Variants in CA10 observed in about 807,000 individuals in gnomAD.
The protein encoded by CA10 is carbonic anhydrase 10 (inactive).
Under a neutral mutation model 44.2 loss-of-function variants are expected in CA10, and 14 were observed. That is an observed-to-expected ratio of 0.32 (90% confidence interval 0.21 to 0.50). CA10 has a LOEUF of 0.50. CA10 is among the 20% of genes least tolerant of loss of function. The pLI, the probability that CA10 is intolerant of heterozygous loss-of-function variation, is 0.99. For missense variants in CA10, 350 were observed against 409.7 expected, an observed-to-expected ratio of 0.85 and a Z score of 1.26; for synonymous variants, 159 against 141.6, an observed-to-expected ratio of 1.12 and a Z score of -0.87.
chr17:52,144,212 T>TA (rs1287275913), intron 1 of CA10, among the ~76,000 whole-genome samples: 1 of 152,164 alleles, frequency 6.6e-6, no homozygotes, highest in Non-Finnish European at 1.5e-5. Flanking sequence ...CAAATTTCAG[T>TA]AAAAATGAGT....
At chr17:51,863,751 C>T in intron 3 of CA10, among the ~76,000 whole-genome samples, 1 of 152,234 alleles carries the variant, frequency 6.6e-6, no homozygotes, top group East Asian at 1.9e-4. Context: ...CAGGGACCAA[C>T]CAAAGTAAGA....
intron 3 of CA10, among the ~76,000 whole-genome samples, chr17:51,866,523 T>C (rs192131382): frequency 4.3e-4 from 65 of 152,380 alleles, no homozygotes; most frequent in African/African-American, 1.5e-3. Flanking sequence ...GATTTCTCTG[T>C]ATCTACAGCT....
chr17:51,989,398 T>C (rs540836055), intron 2 of CA10, among the ~76,000 whole-genome samples: 1 of 152,210 alleles, frequency 6.6e-6, no homozygotes, highest in Non-Finnish European at 1.5e-5. Flanking sequence ...CTTCCACTTA[T>C]AAGTGAGAAC....
intron 2 of CA10, among the ~76,000 whole-genome samples, chr17:52,064,670 T>A (rs572993842): frequency 6.6e-6 from 1 of 152,190 alleles, no homozygotes; most frequent in Non-Finnish European, 1.5e-5. Flanking sequence ...ATCTTTAGAT[T>A]TTAAAACTAC....
At chr17:51,772,488 T>C (rs1336340525) in intron 3 of CA10, among the ~76,000 whole-genome samples, 1 of 152,184 alleles carries the variant, frequency 6.6e-6, no homozygotes, top group Non-Finnish European at 1.5e-5. Flanking sequence ...CATGTTTCAG[T>C]AATTAAGGCC....
chr17:51,758,658 G>T (rs952964121), intron 3 of CA10, among the ~76,000 whole-genome samples: 9 of 152,186 alleles, frequency 5.9e-5, no homozygotes, highest in African/African-American at 2.2e-4. Flanking sequence ...AGGTTTCCGG[G>T]GGGTGAGTCC....
chr17:51,942,083 C>A (rs1983098754), intron 2 of CA10, among the ~76,000 whole-genome samples: 1 of 152,098 alleles, frequency 6.6e-6, no homozygotes, highest in African/African-American at 2.4e-5. Context: ...CCTTACAGCC[C>A]ATTGCAGCAG....
intron 4 of CA10, among the ~76,000 whole-genome samples, chr17:51,727,091 C>T (rs1916551985): frequency 6.6e-6 from 1 of 152,152 alleles, no homozygotes; most frequent in Non-Finnish European, 1.5e-5. Flanking sequence ...CATCTCTCTC[C>T]CTGTTGCCTC....
chr17:52,011,992 C>A (rs890228878), intron 2 of CA10, among the ~76,000 whole-genome samples: 1 of 151,908 alleles, frequency 6.6e-6, no homozygotes, highest in African/African-American at 2.4e-5. Flanking sequence ...AAGGTGAGTG[C>A]AAATCTGGGA....
chr17:51,804,988 G>T (rs556294035), intron 3 of CA10, among the ~76,000 whole-genome samples: 1 of 152,290 alleles, frequency 6.6e-6, no homozygotes, highest in Non-Finnish European at 1.5e-5. Flanking sequence ...ATTCCATATT[G>T]CTGGGCTCCT....
At chr17:51,706,548 G>C (rs2143476551) in intron 4 of CA10, among the ~76,000 whole-genome samples, 1 of 152,328 alleles carries the variant, frequency 6.6e-6, no homozygotes, top group Non-Finnish European at 1.5e-5. Context: ...TAATAGGCCT[G>C]CCTGCCGGGG....
At chr17:51,868,209 T>G (rs1303387311) in intron 3 of CA10, among the ~76,000 whole-genome samples, 3 of 152,158 alleles carry the variant, frequency 2.0e-5, no homozygotes, top group African/African-American at 7.2e-5. Context: ...TGAACCACGG[T>G]AATCTCTGCT....
In CA10 at chr17:51,702,606, C is replaced by T. The variant is rs548110501; in HGVS notation, c.465+45027G>A. 7.2e-5 allele frequency among the ~76,000 whole-genome samples: 11 copies of T among 152,372 alleles called. No individual in the cohort carries two copies. In the South Asian group the frequency reaches 1.9e-3, roughly 26 times the overall value. ...CAGACTCCCTCTCCGCCTTTCTCTGCCTGGGGAGACCCACTGTGTGCATGG... is the reference window on the plus strand; with the variant it reads ...CAGACTCCCTCTCCGCCTTTCTCTGTCTGGGGAGACCCACTGTGTGCATGG... On this transcript the variant is annotated intron_variant, in intron 4 of 8. Coordinates refer to ENST00000451037, the MANE Select transcript of CA10 (RefSeq NM_020178.5).
intron 1 of CA10, among the ~76,000 whole-genome samples, chr17:52,105,449 G>T (rs535278020): frequency 6.6e-6 from 1 of 152,028 alleles, no homozygotes; most frequent in Non-Finnish European, 1.5e-5. Flanking sequence ...TAGAGAGGGG[G>T]TTTCACCGTG....
At chr17:52,148,081 G>T (rs1369643089) in intron 1 of CA10, among the ~76,000 whole-genome samples, 2 of 152,096 alleles carry the variant, frequency 1.3e-5, no homozygotes, top group Non-Finnish European at 2.9e-5. Flanking sequence ...GTTACAAAAG[G>T]CCAGAGGGGA....
At position 52,048,700 on chromosome 17, in the gene CA10, G is replaced by A. The variant is rs566905186; in HGVS notation, c.136+23619C>T. 3.9e-5 allele frequency among the ~76,000 whole-genome samples: 6 copies of A among 152,096 alleles called. No individual in the cohort carries two copies. The East Asian group carries it at 1.2e-3, about 30-fold the overall frequency. On this transcript the variant is annotated intron_variant, in intron 2 of 8. Coordinates refer to ENST00000451037, the MANE Select transcript of CA10 (RefSeq NM_020178.5). The stretch of plus-strand genomic sequence containing the variant: ...ATATGCTGAGAGGCATGACAAAGCT[G>A]CTGAGCTGAGAATGCTGAGGACATA...
At chr17:51,756,045 A>G (rs1019100799) in intron 3 of CA10, among the ~76,000 whole-genome samples, 2 of 151,120 alleles carry the variant, frequency 1.3e-5, no homozygotes, top group Non-Finnish European at 2.9e-5. Context: ...GAGATTTGGG[A>G]TACAGTCTTC....
intron 3 of CA10, among the ~76,000 whole-genome samples, chr17:51,877,204 C>T (rs983623634): frequency 7.2e-5 from 11 of 152,180 alleles, no homozygotes; most frequent in African/African-American, 2.7e-4. Flanking sequence ...ATGTCATCAG[C>T]CAATGTTGCT....
At chr17:51,792,755 A>G (rs1462145170) in intron 3 of CA10, among the ~76,000 whole-genome samples, 1 of 152,264 alleles carries the variant, frequency 6.6e-6, no homozygotes. Context: ...TAAACTTTAG[A>G]GACGATCAAT....
Sources: gnomAD v4.1 joint callset for allele counts (sites outside exome capture counted in the v4.1 genomes callset) on GRCh38, gnomAD v4.1.1 for gene constraint, MANE v1.5 for transcripts, NCBI Gene and HGNC (gene_info 2026-07-23, HGNC 2026-07-21) for gene names.